The following CACNA2D3 variants were observed in gnomAD, a reference collection of about 807,000 sequenced individuals.
CACNA2D3 encodes the protein calcium voltage-gated channel auxiliary subunit alpha2delta 3, also known as voltage-dependent calcium channel subunit alpha-2/delta-3.
In CACNA2D3, 60 loss-of-function variants were observed where a neutral mutation model predicts 160.6. The ratio of observed to expected loss-of-function variants is 0.37; its 90% CI spans 0.30 to 0.46. The LOEUF (loss-of-function observed/expected upper bound fraction) is 0.46, where lower values mean the gene tolerates loss of function less well. Among genes scored for constraint, CACNA2D3 ranks in the 20% least tolerant of loss-of-function variants. The pLI is 1.00. For synonymous variants in CACNA2D3, 558 were observed against 492.9 expected (o/e 1.13, Z -1.75); for missense variants, 1,205 against 1,365.0 (o/e 0.88, Z 1.85).
At chr3:55,027,563 C>T (rs358052) in intron 35 of CACNA2D3, among the ~76,000 whole-genome samples, 129,421 of 152,138 alleles carry the variant, frequency 0.85, 55,381 homozygotes, top group African/African-American at 0.94. Context: ...TTTATCAGCC[C>T]TTCCCTGGAA....
At chr3:54,901,494 A>T (rs911709053) in intron 27 of CACNA2D3, among the ~76,000 whole-genome samples, 1 of 152,148 alleles carries the variant, frequency 6.6e-6, no homozygotes, top group Admixed American at 6.5e-5. Flanking sequence ...AAGAACGTGC[A>T]CTTTCCAAAT....
At chr3:54,739,786 TGTGTGTGTGG>T (rs1215813954) in intron 11 of CACNA2D3, among the ~76,000 whole-genome samples, 3 of 92,870 alleles carry the variant, frequency 3.2e-5, no homozygotes, top group South Asian at 3.8e-4. Flanking sequence ...TGTGTGTGTG[TGTGTGTGTGG>T]AATTATATAT....
chr3:54,465,198 T>A (rs886421648), intron 4 of CACNA2D3, among the ~76,000 whole-genome samples: 5 of 152,106 alleles, frequency 3.3e-5, no homozygotes, highest in Non-Finnish European at 5.9e-5. Flanking sequence ...AAGATTTTTT[T>A]AATGAAATCT....
chr3:54,367,814 C>T (rs750634850), intron 3 of CACNA2D3, among the ~76,000 whole-genome samples: 4 of 152,154 alleles, frequency 2.6e-5, no homozygotes, highest in Non-Finnish European at 4.4e-5. Context: ...TTTTAACACT[C>T]GTTTGCTCTT....
At chr3:55,063,828 C>G (rs1021120475) in intron 35 of CACNA2D3, among the ~76,000 whole-genome samples, 3 of 152,152 alleles carry the variant, frequency 2.0e-5, no homozygotes, top group Non-Finnish European at 4.4e-5. Flanking sequence ...GCAGGGAGAC[C>G]AGTTGGAAGA....
intron 35 of CACNA2D3, among the ~76,000 whole-genome samples, chr3:55,066,811 G>A (rs539346933): frequency 5.9e-5 from 9 of 152,186 alleles, no homozygotes; most frequent in African/African-American, 1.9e-4. Context: ...AGAAACAACC[G>A]CTGTGATTCT....
intron 2 of CACNA2D3, among the ~76,000 whole-genome samples, chr3:54,251,968 T>G (rs917813767): frequency 2.0e-5 from 3 of 152,200 alleles, no homozygotes; most frequent in African/African-American, 7.2e-5. Flanking sequence ...GGTTCTAGTA[T>G]TTGTGTGTTT....
At chr3:54,436,167 A>G (rs1700056583) in intron 4 of CACNA2D3, among the ~76,000 whole-genome samples, 1 of 152,242 alleles carries the variant, frequency 6.6e-6, no homozygotes, top group South Asian at 2.1e-4. Context: ...CTAAACAAAC[A>G]TATTAAAAAA....
intron 4 of CACNA2D3, among the ~76,000 whole-genome samples, chr3:54,465,014 G>A (rs1041345839): frequency 6.6e-5 from 10 of 151,930 alleles, no homozygotes; most frequent in African/African-American, 2.4e-4. Context: ...CATAAGTCCT[G>A]TAGGCTTTCT....
At chr3:55,034,435 A>G (rs781126833) in intron 35 of CACNA2D3, among the ~76,000 whole-genome samples, 35 of 152,092 alleles carry the variant, frequency 2.3e-4, no homozygotes, top group African/African-American at 8.2e-4. Context: ...GGTGCTAGAC[A>G]TTTCTATTGA....
chr3:54,136,519 A>G (rs750736469), intron 2 of CACNA2D3, among the ~76,000 whole-genome samples: 5 of 152,210 alleles, frequency 3.3e-5, no homozygotes, highest in African/African-American at 1.2e-4. Context: ...TGAATACTCA[A>G]TGAGGTGTGC....
At position 54,789,813 on chromosome 3, in the gene CACNA2D3, A is replaced by C. The variant is rs1218152417; in HGVS notation, c.1380+25462A>C. ...ACTGAGGCCAGTTTGGCTCACATCT[A>C]AAGTGAGCCCGAGCTTAAAATGAGC... On this transcript the variant is annotated intron_variant, in intron 13 of 37. Transcript: ENST00000474759. The C allele has an allele frequency of 3.5e-5, 18 of 511,244 alleles. No individual in the cohort carries two copies. In the Admixed American group the frequency reaches 3.6e-4, roughly 10 times the overall value. 31.7% of individuals were successfully genotyped at this position (511,244 alleles called of 1,614,324 possible).
intron 2 of CACNA2D3, among the ~76,000 whole-genome samples, chr3:54,168,838 A>G (rs555282366): frequency 6.6e-6 from 1 of 152,316 alleles, no homozygotes; most frequent in Admixed American, 6.5e-5. Context: ...CTATTTCAAT[A>G]TTTAGTGCCA....
At chr3:54,236,198 G>A (rs1701873288) in intron 2 of CACNA2D3, among the ~76,000 whole-genome samples, 1 of 152,156 alleles carries the variant, frequency 6.6e-6, no homozygotes, top group Non-Finnish European at 1.5e-5. Context: ...GACAACAGGA[G>A]GCTAAGCAAA....
chr3:54,946,622 T>C (rs1701620715), intron 27 of CACNA2D3, among the ~76,000 whole-genome samples: 1 of 152,132 alleles, frequency 6.6e-6, no homozygotes, highest in Non-Finnish European at 1.5e-5. Flanking sequence ...TGCCAAATAA[T>C]GACAGGAGAG....
intron 27 of CACNA2D3, among the ~76,000 whole-genome samples, chr3:54,920,552 C>G (rs1700814379): frequency 1.3e-5 from 2 of 152,182 alleles, no homozygotes; most frequent in Non-Finnish European, 2.9e-5. Flanking sequence ...TTCAGAGCAG[C>G]TGCTCCAGAT....
At chr3:54,626,060 C>T (rs1425529766) in intron 9 of CACNA2D3, among the ~76,000 whole-genome samples, 1 of 152,210 alleles carries the variant, frequency 6.6e-6, no homozygotes, top group East Asian at 1.9e-4. Context: ...CTGTTCCTCT[C>T]CCTCCTGGTG....
chr3:54,423,501 G>A (rs1699868425), intron 4 of CACNA2D3, among the ~76,000 whole-genome samples: 1 of 152,108 alleles, frequency 6.6e-6, no homozygotes, highest in South Asian at 2.1e-4. Flanking sequence ...GTACTGATTC[G>A]CTATGCTCTG....
At chr3:54,749,306 A>G (rs1701814185) in intron 11 of CACNA2D3, among the ~76,000 whole-genome samples, 1 of 152,250 alleles carries the variant, frequency 6.6e-6, no homozygotes. Flanking sequence ...ATGTACCATG[A>G]ACTTGTAGCC....
Sources: gnomAD v4.1 joint callset for allele counts (sites outside exome capture counted in the v4.1 genomes callset) on GRCh38, gnomAD v4.1.1 for gene constraint, MANE v1.5 for transcripts, NCBI Gene and HGNC (gene_info 2026-07-23, HGNC 2026-07-21) for gene names.